The following NAV3 variants were observed in gnomAD, a reference collection of about 807,000 sequenced individuals.
The protein encoded by NAV3 is neuron navigator 3.
In NAV3, 87 loss-of-function variants were observed where a neutral mutation model predicts 244.7. The ratio of observed to expected loss-of-function variants is 0.36; its 90% CI spans 0.30 to 0.42. The LOEUF (loss-of-function observed/expected upper bound fraction) is 0.42. Ranked by LOEUF, NAV3 falls within the 20% of genes least tolerant of loss-of-function variation. NAV3 has a pLI of 1.00. For synonymous variants in NAV3, 1,126 were observed against 1,042.2 expected (o/e 1.08, Z -1.55); for missense variants, 2,663 against 2,893.3 (o/e 0.92, Z 1.83).
At chr12:77,755,083 G>C (rs1345700016) in intron 2 of NAV3, among the ~76,000 whole-genome samples, 1 of 151,964 alleles carries the variant, frequency 6.6e-6, no homozygotes, top group Admixed American at 6.6e-5. Context: ...TTCTCAGTTA[G>C]TGATGAAGCT....
At position 78,007,135 on chromosome 12, in the gene NAV3, A is replaced by G; in HGVS notation, c.1597A>G (p.Lys533Glu). 1 of 1,614,128 alleles carries G rather than the reference A, an allele frequency of 6.2e-7. No homozygotes were observed. The highest frequency in any genetic ancestry group is 8.5e-7 in the Non-Finnish European group (1 of 1,180,016). ...CAGTGGTATTCCAAAACCAGGCTCT[A>G]AAGTTCCAACAGTAAAGCAAACCAT... ...SSSGIPKPGS[K>E]VPTVKQTISP... Residue 533 changes from lysine to glutamate, a missense_variant, in exon 8 of 40, where the codon AAA (lysine) becomes GAA (glutamate). Coordinates refer to ENST00000397909, the MANE Select transcript of NAV3 (RefSeq NM_001024383.2).
rs185700480 is a variant in NAV3 at position 77,716,091 on chromosome 12, A to G, written c.72+143825A>G. 5.4e-3 allele frequency among the ~76,000 whole-genome samples: 817 copies of G among 152,168 alleles called. 6 individuals are homozygous for G. The highest frequency in any genetic ancestry group is 9.8e-3 in the Admixed American group (150 of 15,278). ...AACTTTGAATCTCTTAGAATTTGTC[A>G]TACTCCTAAGATGAAATTTAAACAG... On this transcript the variant is annotated intron_variant, in intron 2 of 8. Transcript: ENST00000550042.
At chr12:77,909,301 C>G (rs1015854144) in intron 1 of NAV3, among the ~76,000 whole-genome samples, 1 of 152,012 alleles carries the variant, frequency 6.6e-6, no homozygotes, top group African/African-American at 2.4e-5. Context: ...CTTCTCTGAT[C>G]TTACTAAAAC....
intron 2 of NAV3, among the ~76,000 whole-genome samples, chr12:77,682,589 T>G (rs1369810870): frequency 6.6e-6 from 1 of 152,204 alleles, no homozygotes; most frequent in East Asian, 1.9e-4. Context: ...ACTGTTTCCA[T>G]AGAGGCTGTA....
At chr12:77,937,787 C>A (rs897193171) in intron 1 of NAV3, among the ~76,000 whole-genome samples, 1 of 152,140 alleles carries the variant, frequency 6.6e-6, no homozygotes, top group Non-Finnish European at 1.5e-5. Context: ...GAAATTATAA[C>A]TTTAACAAGT....
intron 25 of NAV3, 55 bp downstream of exon 25, chr12:78,175,482 G>A (rs2139653920): frequency 6.3e-7 from 1 of 1,582,662 alleles, no homozygotes; most frequent in Non-Finnish European, 8.6e-7. Context: ...AATGTGTTAG[G>A]CCTTTTTCTT....
intron 2 of NAV3, among the ~76,000 whole-genome samples, chr12:77,761,806 G>A (rs1869481731): frequency 6.6e-6 from 1 of 152,164 alleles, no homozygotes; most frequent in African/African-American, 2.4e-5. Context: ...TGGAGAAATA[G>A]GAATGCTTTT....
intron 1 of NAV3, among the ~76,000 whole-genome samples, chr12:77,837,889 C>T (rs989048509): frequency 6.6e-6 from 1 of 152,152 alleles, no homozygotes; most frequent in African/African-American, 2.4e-5. Context: ...AAAAGGAACC[C>T]CATGTTAGAA....
intron 6 of NAV3, among the ~76,000 whole-genome samples, chr12:77,997,698 A>G (rs982884086): frequency 1.3e-5 from 2 of 152,228 alleles, no homozygotes; most frequent in African/African-American, 4.8e-5. Flanking sequence ...ACAACCAGCT[A>G]AGTCTGGATG....
intron 16 of NAV3, 126 bp from the exon 17 acceptor site, chr12:78,127,041 A>T: frequency 1.3e-6 from 1 of 764,416 alleles, no homozygotes; most frequent in Non-Finnish European, 2.1e-6. Context: ...TTTTTCAATG[A>T]GTTAAGCATT....
intron 3 of NAV3, among the ~76,000 whole-genome samples, chr12:77,959,034 G>A (rs1213302134): frequency 6.6e-6 from 1 of 152,062 alleles, no homozygotes; most frequent in African/African-American, 2.4e-5. Context: ...TAGTATTATG[G>A]TCCAAATAAG....
At chr12:77,659,489 G>A (rs1352405537) in intron 2 of NAV3, among the ~76,000 whole-genome samples, 3 of 152,164 alleles carry the variant, frequency 2.0e-5, no homozygotes, top group Admixed American at 2.0e-4. Flanking sequence ...TGGAGAAATA[G>A]GAACACTTTT....
At chr12:77,829,100 C>G (rs1270895393), upstream of NAV3, among the ~76,000 whole-genome samples, 1 of 151,818 alleles carries the variant, frequency 6.6e-6, no homozygotes. Context: ...AAAACAAAAA[C>G]AAAAATGAAT....
At chr12:78,084,114 C>G (rs1953501422) in intron 12 of NAV3, among the ~76,000 whole-genome samples, 1 of 152,166 alleles carries the variant, frequency 6.6e-6, no homozygotes, top group Admixed American at 6.5e-5. Context: ...GTGGTGTGCA[C>G]AGAAATCCTA....
chr12:77,735,240 A>G (rs1371929816), intron 2 of NAV3, among the ~76,000 whole-genome samples: 1 of 152,144 alleles, frequency 6.6e-6, no homozygotes, highest in Admixed American at 6.5e-5. Flanking sequence ...AAATGAGTCC[A>G]CTGATCATTT....
intron 2 of NAV3, among the ~76,000 whole-genome samples, chr12:77,822,325 T>C (rs7960350): frequency 0.95 from 145,083 of 152,238 alleles, 69,553 homozygotes; most frequent in East Asian, 1. Context: ...TAATCCCTTG[T>C]ACTCATCACC....
intron 12 of NAV3, among the ~76,000 whole-genome samples, chr12:78,116,545 A>G (rs186489504): frequency 1.3e-5 from 2 of 152,290 alleles, no homozygotes; most frequent in South Asian, 4.1e-4. Flanking sequence ...GAACCTGGAC[A>G]CTGCTCTAGA....
intron 2 of NAV3, among the ~76,000 whole-genome samples, chr12:77,629,660 GAAT>G (rs1181538108): frequency 1.3e-5 from 2 of 151,896 alleles, no homozygotes; most frequent in Non-Finnish European, 2.9e-5. Flanking sequence ...ACCTACCTAA[GAAT>G]AATGTTTTAT....
chr12:78,188,203 G>T (rs751470510), intron 31 of NAV3, 45 bp from the exon 32 acceptor site: 3 of 1,371,924 alleles, frequency 2.2e-6, no homozygotes, highest in South Asian at 1.2e-5. Flanking sequence ...TAATAAAAAA[G>T]ATACACGGTT....
Sources: allele counts gnomAD v4.1 joint callset (sites outside exome capture counted in the v4.1 genomes callset), GRCh38; gene constraint gnomAD v4.1.1; transcripts MANE v1.5; gene names NCBI Gene and HGNC (gene_info 2026-07-23, HGNC 2026-07-21).